CEP112: variants seen among roughly 807,000 people sequenced by gnomAD.
CEP112 encodes centrosomal protein of 112 kDa.
Under a neutral mutation model 153.0 loss-of-function variants are expected in CEP112, and 127 were observed. The ratio of observed to expected loss-of-function variants is 0.83; its 90% confidence interval spans 0.72 to 0.96. The LOEUF is 0.96. CEP112 is among the 40% of genes least tolerant of loss of function. The pLI, the probability that CEP112 is intolerant of heterozygous loss-of-function variation, is 0.00. For missense variants in CEP112, 1,089 were observed against 1,101.2 expected, an observed-to-expected ratio of 0.99 and a Z score of 0.16; for synonymous variants, 358 against 374.4, an observed-to-expected ratio of 0.96 and a Z score of 0.51.
chr17:65,755,263 T>C (rs1439503151), intron 21 of CEP112, among the ~76,000 whole-genome samples: 1 of 152,052 alleles, frequency 6.6e-6, no homozygotes, highest in Non-Finnish European at 1.5e-5. Context: ...AGGGGAAACA[T>C]GCATATCTTC....
At position 65,931,927 on chromosome 17, in the gene CEP112, G is replaced by A. The variant is rs142471848; in HGVS notation, c.1873-4238C>T. Among the ~76,000 whole-genome samples, 9 of 152,308 alleles carry A rather than the reference G, an allele frequency of 5.9e-5. No individual in the cohort carries two copies. In the South Asian group the frequency reaches 1.0e-3, roughly 18 times the overall value. On this transcript the variant is annotated intron_variant, in intron 18 of 26. Transcript: ENST00000535342. Reference sequence around the variant, plus strand: ...GCTTTGCCCATCTGAGTGGCTGGCTGAGCAGCAACCCCAGAGACCTTGACA... The same window carrying A: ...GCTTTGCCCATCTGAGTGGCTGGCTAAGCAGCAACCCCAGAGACCTTGACA...
At chr17:65,823,485 A>G (rs2056692847) in intron 21 of CEP112, among the ~76,000 whole-genome samples, 1 of 152,148 alleles carries the variant, frequency 6.6e-6, no homozygotes, top group African/African-American at 2.4e-5. Flanking sequence ...TAATCCATAT[A>G]TTGCACCATC....
At chr17:65,764,261 T>C (rs1253195275) in intron 21 of CEP112, among the ~76,000 whole-genome samples, 1 of 152,240 alleles carries the variant, frequency 6.6e-6, no homozygotes, top group African/African-American at 2.4e-5. Flanking sequence ...CAAAGTTATA[T>C]ATAGCCCATT....
chr17:65,900,108 T>G (rs2059793177), intron 20 of CEP112, among the ~76,000 whole-genome samples: 1 of 152,162 alleles, frequency 6.6e-6, no homozygotes, highest in East Asian at 1.9e-4. Flanking sequence ...TAAATACAAA[T>G]TATGAGTATT....
chr17:65,998,807 A>T (rs1268876788), intron 17 of CEP112, among the ~76,000 whole-genome samples: 1 of 152,182 alleles, frequency 6.6e-6, no homozygotes, highest in African/African-American at 2.4e-5. Context: ...GTAAAGCCTG[A>T]ATCACATGGA....
At chr17:65,738,494 C>G (rs1038323275) in intron 23 of CEP112, among the ~76,000 whole-genome samples, 1 of 152,068 alleles carries the variant, frequency 6.6e-6, no homozygotes, top group African/African-American at 2.4e-5. Context: ...CAATAGTATT[C>G]ATTTCAAAAG....
chr17:65,735,622 G>A (rs1240472866), intron 23 of CEP112, among the ~76,000 whole-genome samples: 1 of 152,134 alleles, frequency 6.6e-6, no homozygotes. Context: ...GGGACCATCT[G>A]TATATTTTAT....
At chr17:65,876,910 C>A (rs1012455214) in intron 20 of CEP112, among the ~76,000 whole-genome samples, 2 of 151,958 alleles carry the variant, frequency 1.3e-5, no homozygotes, top group Non-Finnish European at 2.9e-5. Context: ...TTCAGTTTTG[C>A]TTTCCTTAAA....
intron 12 of CEP112, among the ~76,000 whole-genome samples, chr17:66,048,220 C>T (rs2066294605): frequency 6.6e-6 from 1 of 152,022 alleles, no homozygotes; most frequent in African/African-American, 2.4e-5. Context: ...ATGGCCAAGA[C>T]TCTTCTGATG....
chr17:65,951,435 T>C (rs1599122882), intron 18 of CEP112, among the ~76,000 whole-genome samples: 1 of 152,312 alleles, frequency 6.6e-6, no homozygotes, highest in Non-Finnish European at 1.5e-5. Flanking sequence ...TTTTCTATTC[T>C]TGGGATAGTT....
chr17:65,667,667 G>C (rs2046764886), intron 24 of CEP112, among the ~76,000 whole-genome samples: 1 of 151,998 alleles, frequency 6.6e-6, no homozygotes, highest in East Asian at 1.9e-4. Flanking sequence ...TTTAGGTACA[G>C]GTATATAGTA....
At chr17:66,107,882 C>T (rs2068852794) in intron 6 of CEP112, among the ~76,000 whole-genome samples, 1 of 152,104 alleles carries the variant, frequency 6.6e-6, no homozygotes, top group African/African-American at 2.4e-5. Flanking sequence ...AATCACATCA[C>T]CTGACTTCAA....
chr17:66,007,235 G>C (rs1027165435), intron 16 of CEP112, among the ~76,000 whole-genome samples: 2 of 152,140 alleles, frequency 1.3e-5, no homozygotes, highest in Non-Finnish European at 2.9e-5. Flanking sequence ...CTGAGAGGCA[G>C]AGAAGAAAAA....
In CEP112 at chr17:65,675,458, G is replaced by A. The variant is rs565241221; in HGVS notation, c.2697+13671C>T. Among the ~76,000 whole-genome samples, 4 of 152,036 alleles carry A rather than the reference G, an allele frequency of 2.6e-5. No individual in the cohort carries two copies. The East Asian group carries it at 5.8e-4, about 22-fold the overall frequency. ...TGACCTCAAGTGATCCACCCACCTC[G>A]GCCTCCCAAAGTGCTGGGATTACAG... On this transcript the variant is annotated intron_variant, in intron 24 of 26. Transcript: ENST00000535342.
intron 24 of CEP112, among the ~76,000 whole-genome samples, chr17:65,678,907 T>C (rs2047365558): frequency 6.6e-6 from 1 of 152,086 alleles, no homozygotes; most frequent in African/African-American, 2.4e-5. Context: ...AAAGCAAAGA[T>C]GAAACAGAGC....
intron 18 of CEP112, among the ~76,000 whole-genome samples, chr17:65,929,481 C>T (rs2061046372): frequency 6.6e-6 from 1 of 152,224 alleles, no homozygotes; most frequent in Non-Finnish European, 1.5e-5. Flanking sequence ...CACCTTTGTA[C>T]TGAGACCTTC....
chr17:65,941,278 TA>T (rs1400852637), intron 18 of CEP112, among the ~76,000 whole-genome samples: 1 of 152,094 alleles, frequency 6.6e-6, no homozygotes, highest in African/African-American at 2.4e-5. Flanking sequence ...AACATTTAAG[TA>T]CTTAAAATAG....
At chr17:66,035,083 G>A (rs970868805) in intron 12 of CEP112, among the ~76,000 whole-genome samples, 7 of 148,312 alleles carry the variant, frequency 4.7e-5, no homozygotes, top group African/African-American at 1.5e-4. Flanking sequence ...CAAGTGATCT[G>A]CCCACCTAGG....
chr17:66,100,608 T>G (rs968131515), intron 6 of CEP112, among the ~76,000 whole-genome samples: 3 of 151,564 alleles, frequency 2.0e-5, no homozygotes, highest in Non-Finnish European at 2.9e-5. Context: ...CTGAAAAAAA[T>G]AAAATAAATG....
Sources: allele counts gnomAD v4.1 joint callset (sites outside exome capture counted in the v4.1 genomes callset), GRCh38; gene constraint gnomAD v4.1.1; transcripts MANE v1.5; gene names NCBI Gene and HGNC (gene_info 2026-07-23, HGNC 2026-07-21).